STRN: variants seen among roughly 807,000 people sequenced by gnomAD.
STRN encodes the protein striatin, also known as protein phosphatase 2 regulatory subunit B'''alpha.
A neutral mutation model predicts 96.3 loss-of-function variants in STRN; 53 were observed. The ratio of observed to expected loss-of-function variants is 0.55; its 90% CI spans 0.44 to 0.69. The LOEUF (loss-of-function observed/expected upper bound fraction) is 0.69. Among genes scored for constraint, STRN ranks in the 30% least tolerant of loss-of-function variants. The pLI is 0.00. For missense variants in STRN, 987 were observed against 963.9 expected, an observed-to-expected ratio of 1.02 and a Z score of -0.32; for synonymous variants, 428 against 355.9, an observed-to-expected ratio of 1.20 and a Z score of -2.28.
In STRN at chr2:36,867,828, T is replaced by A; in HGVS notation, c.1533A>T (p.Thr511=). Reference sequence around the variant, plus strand: ...CATATACTTACTTATGGGCTCTGAATGTATAGATAGGTTCTACATCAAGAG... The same window carrying A: ...CATATACTTACTTATGGGCTCTGAAAGTATAGATAGGTTCTACATCAAGAG... The part of the protein sequence containing the change: ...STSLDVEPIY[T]FRAHKGPVLC... The change falls in exon 12 of 18, where the codon ACA becomes ACT. Residue 511 remains threonine, a synonymous_variant. Transcript: ENST00000263918. 1 of 1,587,892 alleles carries A rather than the reference T, an allele frequency of 6.3e-7. No individual in the cohort carries two copies. Among genetic ancestry groups the A allele is most frequent in the Non-Finnish European group, 8.6e-7 (1 of 1,168,886 alleles).
intron 1 of STRN, among the ~76,000 whole-genome samples, chr2:36,963,746 C>G (rs890205468): frequency 6.6e-6 from 1 of 152,050 alleles, no homozygotes; most frequent in Non-Finnish European, 1.5e-5. Flanking sequence ...TCACTGAGGT[C>G]AGTAGTTCAA....
At chr2:36,902,386 AAAT>A (rs1356729689) in intron 5 of STRN, among the ~76,000 whole-genome samples, 195 bp downstream of exon 5, 1 of 152,194 alleles carries the variant, frequency 6.6e-6, no homozygotes, top group Non-Finnish European at 1.5e-5. Flanking sequence ...TAAATATCAC[AAAT>A]AATATTCTTG....
At chr2:36,963,385 A>G (rs184604249) in intron 1 of STRN, among the ~76,000 whole-genome samples, 20 of 152,338 alleles carry the variant, frequency 1.3e-4, no homozygotes, top group Non-Finnish European at 1.3e-4. Flanking sequence ...GAGGACACCA[A>G]CTGAGCCGTA....
chr2:36,852,725 T>C (rs1400399466), intron 15 of STRN, among the ~76,000 whole-genome samples: 1 of 152,208 alleles, frequency 6.6e-6, no homozygotes, highest in Non-Finnish European at 1.5e-5. Context: ...AAGTTTATAT[T>C]CACATAATAG....
chr2:36,879,043 G>A (rs963674948), intron 9 of STRN, among the ~76,000 whole-genome samples: 7 of 148,418 alleles, frequency 4.7e-5, no homozygotes, highest in Non-Finnish European at 1.0e-4. Context: ...ATGAGCCACT[G>A]CACCCGGTAA....
chr2:36,949,639 G>A (rs1664702791), intron 1 of STRN, among the ~76,000 whole-genome samples: 1 of 152,196 alleles, frequency 6.6e-6, no homozygotes, highest in South Asian at 2.1e-4. Flanking sequence ...ATGGCTAGAA[G>A]AGTGACTATA....
chr2:36,951,480 G>C (rs17020084), intron 1 of STRN, among the ~76,000 whole-genome samples: 11,527 of 152,210 alleles, frequency 0.076, 660 homozygotes, highest in African/African-American at 0.16. Flanking sequence ...TACACTGCTC[G>C]CCTAAAACCA....
rs13389034 is a variant in STRN at position 36,860,690 on chromosome 2, T to A, written c.1669+442A>T. ...TTAACTTCTGAGGCCTTTTACATAT[T>A]TTGGTGTCATGGGCTTTAAAAATTA... On this transcript the variant is annotated intron_variant, in intron 13 of 17. Transcript: ENST00000263918. 7.2e-3 allele frequency among the ~76,000 whole-genome samples: 1,100 copies of A among 152,324 alleles called. 17 individuals carry two copies. The highest frequency in any genetic ancestry group is 0.025 in the African/African-American group (1,051 of 41,566).
At chr2:36,913,611 ACTGT>A (rs367708431) in intron 3 of STRN, among the ~76,000 whole-genome samples, 2 of 152,174 alleles carry the variant, frequency 1.3e-5, no homozygotes, top group African/African-American at 2.4e-5. Context: ...CACTTCTTTA[ACTGT>A]CTATCTTCCC....
At position 36,902,632 on chromosome 2, in the gene STRN, G is replaced by A. The variant is rs774051654; in HGVS notation, c.611C>T (p.Ser204Leu). Residue 204 changes from serine (S) to leucine (L), a missense_variant, in exon 5 of 18, where the codon TCA becomes TTA. By Grantham distance (145) the Ser-to-Leu change is moderately radical. Coordinates refer to ENST00000263918, the MANE Select transcript of STRN (RefSeq NM_003162.4). ...TTCAGCCTCTGTGCCATTTACAACT[G>A]AGTCCTGATTTTTGTCATCTTCCCT... is the stretch of plus-strand genomic sequence containing the variant. ...TDREDDKNQD[S>L]VVNGTEAEVK... 9 of 1,611,574 alleles carry A rather than the reference G, an allele frequency of 5.6e-6. No homozygotes were observed. The highest frequency in any genetic ancestry group is 1.3e-5 in the African/African-American group (1 of 74,870).
At chr2:36,948,766 T>C (rs912187699) in intron 1 of STRN, among the ~76,000 whole-genome samples, 1 of 152,126 alleles carries the variant, frequency 6.6e-6, no homozygotes, top group Admixed American at 6.5e-5. Context: ...ACAAAACAAG[T>C]ACTAAAAAAG....
At chr2:36,958,382 CTACT>C (rs1194947681) in intron 1 of STRN, among the ~76,000 whole-genome samples, 8 of 152,180 alleles carry the variant, frequency 5.3e-5, no homozygotes, top group Non-Finnish European at 1.2e-4. Context: ...TAAAAAATAA[CTACT>C]TACTATGTTT....
intron 1 of STRN, among the ~76,000 whole-genome samples, chr2:36,940,048 T>C (rs58370258): frequency 0.33 from 49,852 of 152,008 alleles, 8,391 homozygotes; most frequent in East Asian, 0.54. Context: ...CAATTTTTCA[T>C]TGAACTTATA....
Position 36,839,794 on chromosome 2 carries a change from A to G in STRN, c.*9662T>C, listed in dbSNP as rs571602157. 4 of 152,336 alleles carry G rather than the reference A, an allele frequency of 2.6e-5. No homozygotes were observed. The highest frequency in any genetic ancestry group is 2.6e-4 in the Admixed American group (4 of 15,302). 9.4% of individuals were successfully genotyped at this position (152,336 alleles called of 1,614,324 possible). A position where few individuals can be genotyped will look rare whatever the true frequency, so the allele number is the denominator to read the frequency against. On this transcript the variant is annotated 3_prime_UTR_variant, in exon 18 of 18. Transcript: ENST00000263918. ...GTTGAGATTATTCGTTGAATATTTC[A>G]TATGTAATTTGCTGATTCTTTTAAT... is the stretch of plus-strand genomic sequence containing the variant.
intron 3 of STRN, among the ~76,000 whole-genome samples, chr2:36,914,362 T>C (rs778463766): frequency 1.3e-5 from 2 of 152,232 alleles, no homozygotes; most frequent in Non-Finnish European, 2.9e-5. Context: ...CCAAAACTTA[T>C]GAAAACTTTT....
At chr2:36,857,445 C>T (rs1220166718) in intron 14 of STRN, among the ~76,000 whole-genome samples, 1 of 151,872 alleles carries the variant, frequency 6.6e-6, no homozygotes, top group Admixed American at 6.6e-5. Flanking sequence ...GAGGCTGAGG[C>T]AGGCGAATCA....
At chr2:36,919,872 A>G (rs1314628437) in intron 2 of STRN, among the ~76,000 whole-genome samples, 1 of 152,228 alleles carries the variant, frequency 6.6e-6, no homozygotes, top group Non-Finnish European at 1.5e-5. Flanking sequence ...CTCAGATTAT[A>G]CACTATGTAA....
intron 10 of STRN, 46 bp from the exon 11 acceptor site, chr2:36,869,775 TA>T (rs774174967): frequency 5.7e-6 from 8 of 1,409,956 alleles, no homozygotes; most frequent in East Asian, 5.2e-5. Flanking sequence ...TAGTTAAGGA[TA>T]GGGGAAAAAA....
At chr2:36,884,202 G>A (rs1669152063) in intron 8 of STRN, 127 bp from the exon 9 acceptor site, 2 of 820,086 alleles carry the variant, frequency 2.4e-6, no homozygotes, top group Non-Finnish European at 3.3e-6. Flanking sequence ...TATTCTACTA[G>A]ATTAATAAGA....
Sources: allele counts gnomAD v4.1 joint callset (sites outside exome capture counted in the v4.1 genomes callset), GRCh38; gene constraint gnomAD v4.1.1; transcripts MANE v1.5; gene names NCBI Gene and HGNC (gene_info 2026-07-23, HGNC 2026-07-21).